Variants in PLB1 observed in about 807,000 individuals in gnomAD.
PLB1 encodes the protein phospholipase B1, membrane-associated.
A neutral mutation model predicts 227.4 loss-of-function variants in PLB1; 242 were observed. The observed-to-expected ratio is 1.06, with a 90% confidence interval of 0.96 to 1.18. PLB1 has a LOEUF of 1.18. Among genes scored for constraint, PLB1 ranks in the 50% most tolerant of loss-of-function variants. The pLI is 0.00. For missense variants in PLB1, 1,858 were observed against 1,816.3 expected (o/e 1.02, Z -0.42); for synonymous variants, 757 against 682.2 (o/e 1.11, Z -1.71).
chr2:28,525,780 TA>T, intron 5 of PLB1, 124 bp from the exon 6 acceptor site: 1 of 1,202,836 alleles, frequency 8.3e-7, no homozygotes, highest in Non-Finnish European at 1.2e-6. Context: ...CCTGGGAGGA[TA>T]ATCCCAGAAC....
intron 30 of PLB1, 109 bp from the exon 31 acceptor site, chr2:28,591,591 A>C: frequency 8.6e-7 from 1 of 1,157,150 alleles, no homozygotes; most frequent in East Asian, 2.4e-5. Flanking sequence ...CCTCCCTAGG[A>C]GTAGGACCCA....
intron 21 of PLB1, 146 bp from the exon 22 acceptor site, chr2:28,577,961 G>A: frequency 1.3e-6 from 1 of 771,112 alleles, no homozygotes; most frequent in East Asian, 2.7e-5. Context: ...TGGGGAAGAA[G>A]CTCTGCGACA....
intron 1 of PLB1, among the ~76,000 whole-genome samples, chr2:28,515,264 A>G (rs1318062342): frequency 6.6e-6 from 1 of 152,170 alleles, no homozygotes; most frequent in Non-Finnish European, 1.5e-5. Context: ...ATCTCTTCAG[A>G]GACTGGTCAC....
At chr2:28,542,613 C>A (rs114993837) in intron 13 of PLB1, among the ~76,000 whole-genome samples, 156 of 152,228 alleles carry the variant, frequency 1.0e-3, no homozygotes, top group African/African-American at 3.7e-3. Flanking sequence ...GCTCTTGTCC[C>A]TCCCCCTGCA....
In PLB1 at chr2:28,643,029, C is replaced by G. The variant is rs1204458502; in HGVS notation, c.4345C>G (p.Pro1449Ala). ...RCRRGGRRED[P>A]PMSLRTVAL ...CAGGAGAGGTGGCCGGAGGGAAGAT[C>G]CTCCAATGAGCCTGCGCACTGTGGC... is the stretch of plus-strand genomic sequence containing the variant. The change falls in exon 58 of 58, where the codon CCT becomes GCT. Residue 1449 changes from proline to alanine, a missense_variant. By Grantham distance (27) the Pro-to-Ala change is conservative. Transcript: ENST00000327757. 1 of 1,609,634 alleles carries G rather than the reference C, an allele frequency of 6.2e-7. No individual in the cohort carries two copies. Among genetic ancestry groups the G allele is most frequent in the Admixed American group, 1.7e-5 (1 of 59,536 alleles).
At chr2:28,538,440 G>GACC in intron 10 of PLB1, 59 bp downstream of exon 10, 1 of 1,514,962 alleles carries the variant, frequency 6.6e-7, no homozygotes, top group South Asian at 1.2e-5. Flanking sequence ...CCCTCATGTG[G>GACC]CCTCCACCGG....
chr2:28,532,566 GT>G (rs1182859325), intron 9 of PLB1, among the ~76,000 whole-genome samples: 1 of 152,168 alleles, frequency 6.6e-6, no homozygotes, highest in African/African-American at 2.4e-5. Context: ...AGGAACAGGT[GT>G]TTTTTACTTA....
intron 2 of PLB1, 109 bp downstream of exon 2, chr2:28,516,978 A>G: frequency 1.9e-6 from 2 of 1,066,440 alleles, no homozygotes; most frequent in Admixed American, 3.8e-5. Flanking sequence ...CCCCTTCCTG[A>G]GGCCTTGAGG....
intron 57 of PLB1, 142 bp from the exon 58 acceptor site, chr2:28,642,716 G>A (rs979280721): frequency 1.8e-4 from 128 of 724,584 alleles, no homozygotes; most frequent in Non-Finnish European, 2.6e-4. Flanking sequence ...CAGCCTAAAT[G>A]AGGGAGCTTT....
chr2:28,610,478 G>C (rs1685285130), intron 43 of PLB1, among the ~76,000 whole-genome samples: 1 of 152,084 alleles, frequency 6.6e-6, no homozygotes, highest in African/African-American at 2.4e-5. Context: ...AATGGAATGG[G>C]ATAGAAAACC....
chr2:28,497,368 T>C (rs1040456218), intron 1 of PLB1, among the ~76,000 whole-genome samples: 1 of 152,194 alleles, frequency 6.6e-6, no homozygotes, highest in Non-Finnish European at 1.5e-5. Context: ...GAGACATCAC[T>C]TATGTTTGGC....
chr2:28,640,846 C>T, intron 56 of PLB1, 81 bp from the exon 57 acceptor site: 2 of 1,407,292 alleles, frequency 1.4e-6, no homozygotes, highest in Non-Finnish European at 2.0e-6. Flanking sequence ...GAGGGAGGGG[C>T]TCTGGTGTGA....
intron 29 of PLB1, among the ~76,000 whole-genome samples, chr2:28,590,772 G>A (rs1681768218): frequency 6.6e-6 from 1 of 152,110 alleles, no homozygotes; most frequent in South Asian, 2.1e-4. Context: ...GGCATGGAGT[G>A]GTAAAGGAGC....
chr2:28,590,180 C>T, intron 29 of PLB1, 104 bp downstream of exon 29: 1 of 1,001,538 alleles, frequency 1.0e-6, no homozygotes, highest in Non-Finnish European at 1.6e-6. Flanking sequence ...GCCCACCCAC[C>T]CCATTTTATA....
chr2:28,525,655 T>C (rs921256298), intron 5 of PLB1, among the ~76,000 whole-genome samples: 1 of 152,118 alleles, frequency 6.6e-6, no homozygotes, highest in Admixed American at 6.5e-5. Flanking sequence ...GGGGTCAGTT[T>C]CCCCTTGCAG....
intron 43 of PLB1, 89 bp from the exon 44 acceptor site, chr2:28,613,942 T>C: frequency 9.7e-7 from 1 of 1,028,410 alleles, no homozygotes; most frequent in South Asian, 1.3e-5. Context: ...GTTAAATAAA[T>C]CTACAGGGCA....
Position 28,565,310 on chromosome 2 carries a change from A to C in PLB1, c.1237A>C (p.Asn413His). The C allele has an allele frequency of 6.2e-7, 1 of 1,612,144 alleles. No individual in the cohort carries two copies. The highest frequency in any genetic ancestry group is 8.5e-7 in the Non-Finnish European group (1 of 1,179,342). ...AGNGAGSTPG[N>H]VLDVLTQYRG... is the part of the protein sequence containing the mutation. The stretch of plus-strand genomic sequence containing the variant: ...CAATGGGGCCGGGTCCACACCTGGG[A>C]ACGTCTTGGACGTCTTGACTCAGTA... The change falls in exon 19 of 58, where the codon AAC becomes CAC. Residue 413 changes from asparagine to histidine, a missense_variant. Asn to His is a moderately conservative substitution (Grantham distance 68). Transcript: ENST00000327757.
rs1259555515 is a variant in PLB1, at chr2:28,543,352, C to A, written c.936+84C>A. 4.9e-6 allele frequency: 7 copies of A among 1,420,808 alleles called. No homozygotes were observed. In the Admixed American group the frequency reaches 1.3e-4, roughly 26 times the overall value. 88.0% of individuals were successfully genotyped at this position (1,420,808 alleles called of 1,614,324 possible). A position where few individuals can be genotyped will look rare whatever the true frequency, so the allele number is the denominator to read the frequency against. On this transcript the variant is annotated intron_variant, in intron 14 of 57. Coordinates refer to ENST00000327757, the MANE Select transcript of PLB1 (RefSeq NM_153021.5). ...CTGAGCCCACCGTGCTGAGGAGGGG[C>A]TGCAGGGCGCCCCAGGATCCCAGGA...
intron 26 of PLB1, among the ~76,000 whole-genome samples, chr2:28,587,526 C>T (rs1681106486): frequency 6.6e-6 from 1 of 152,040 alleles, no homozygotes; most frequent in Admixed American, 6.6e-5. Flanking sequence ...GGGAGGATCA[C>T]TTGAGCCCAG....
Sources: allele counts gnomAD v4.1 joint callset (sites outside exome capture counted in the v4.1 genomes callset), GRCh38; gene constraint gnomAD v4.1.1; transcripts MANE v1.5; gene names NCBI Gene and HGNC (gene_info 2026-07-23, HGNC 2026-07-21).